The following ANKRD28 variants were observed in gnomAD, a reference collection of about 807,000 sequenced individuals.
The protein encoded by ANKRD28 is serine/threonine-protein phosphatase 6 regulatory ankyrin repeat subunit A.
In ANKRD28, 44 loss-of-function variants were observed where a neutral mutation model predicts 126.5. The observed-to-expected ratio is 0.35, with a 90% CI of 0.27 to 0.45. ANKRD28 has a LOEUF of 0.45. Ranked by LOEUF, ANKRD28 falls within the 20% of genes least tolerant of loss-of-function variation. The probability of loss-of-function intolerance (pLI) is 1.00; values close to 1 mark genes in which losing one functional copy is unlikely to be tolerated. For synonymous variants in ANKRD28, 442 were observed against 468.5 expected (o/e 0.94, Z 0.73); for missense variants, 1,110 against 1,316.6 (o/e 0.84, Z 2.43).
At chr3:15,755,526 C>T (rs554939425) in intron 3 of ANKRD28, among the ~76,000 whole-genome samples, 147 of 152,218 alleles carry the variant, frequency 9.7e-4, no homozygotes, top group Non-Finnish European at 1.5e-3. Flanking sequence ...ATACTTTAAA[C>T]GACAAATTCA....
chr3:15,750,890 T>C (rs552300231), intron 4 of ANKRD28, among the ~76,000 whole-genome samples: 2 of 152,338 alleles, frequency 1.3e-5, no homozygotes, highest in Admixed American at 6.5e-5. Flanking sequence ...CATAAACTTA[T>C]ACTATCACAT....
chr3:15,842,215 T>C (rs1383492719), intron 1 of ANKRD28, among the ~76,000 whole-genome samples: 1 of 152,060 alleles, frequency 6.6e-6, no homozygotes, highest in African/African-American at 2.4e-5. Context: ...ACACACATAC[T>C]GTTCAGCTAT....
In ANKRD28 at chr3:15,685,260, A is replaced by C. The variant is rs1438852337; in HGVS notation, c.2355T>G (p.His785Gln). Reference protein sequence around the residue: ...MDANPATADNHGYTALHWACY... With the variant: ...MDANPATADNQGYTALHWACY... Reference sequence around the variant, plus strand: ...AAGCCCAGTGAAGTGCCGTATATCCATGATTGTCTGCTGTGGCTGGATTTG... The same window carrying C: ...AAGCCCAGTGAAGTGCCGTATATCCCTGATTGTCTGCTGTGGCTGGATTTG... The change falls in exon 21 of 28, where the codon CAT (histidine) becomes CAG (glutamine). Residue 785 changes from histidine (H) to glutamine (Q), a missense_variant. By Grantham distance (24) the His-to-Gln change is conservative. Coordinates refer to ENST00000683139, the MANE Select transcript of ANKRD28 (RefSeq NM_001349278.2). 1 of 1,614,020 alleles carries C rather than the reference A, an allele frequency of 6.2e-7. No homozygotes were observed. Among genetic ancestry groups the C allele is most frequent in the South Asian group, 1.1e-5 (1 of 91,092 alleles).
chr3:15,750,128 T>G (rs2057768487), intron 4 of ANKRD28, among the ~76,000 whole-genome samples: 1 of 152,224 alleles, frequency 6.6e-6, no homozygotes, highest in Non-Finnish European at 1.5e-5. Context: ...TCTTTAGTAA[T>G]TTTTGGTCTG....
intron 1 of ANKRD28, among the ~76,000 whole-genome samples, chr3:15,805,963 TA>T (rs143957152): frequency 0.024 from 3,590 of 149,070 alleles, 143 homozygotes; most frequent in African/African-American, 0.081. Flanking sequence ...TGGGAAATAC[TA>T]AAAAAAAAAT....
In ANKRD28 at chr3:15,707,921, T is replaced by C; in HGVS notation, c.1547+3A>G. ...CCTCCACTCTCACTCCTATGGTACTTACTTGCCATCTGTGTCTGATGTAGC... is the reference window on the plus strand; with the variant it reads ...CCTCCACTCTCACTCCTATGGTACTCACTTGCCATCTGTGTCTGATGTAGC... On this transcript the variant is annotated splice_donor_region_variant and intron_variant, in intron 14 of 27. Transcript: ENST00000683139. 1.9e-6 allele frequency: 3 copies of C among 1,612,466 alleles called. No individual in the cohort carries two copies. Among genetic ancestry groups the C allele is most frequent in the Non-Finnish European group, 2.5e-6 (3 of 1,178,844 alleles).
chr3:15,745,468 G>A (rs1231418525), intron 4 of ANKRD28, among the ~76,000 whole-genome samples: 8 of 152,090 alleles, frequency 5.3e-5, no homozygotes, highest in Non-Finnish European at 1.2e-4. Flanking sequence ...TGTTGAACAG[G>A]GTGTCCTTTC....
chr3:15,809,938 T>G (rs2060675026), intron 1 of ANKRD28, among the ~76,000 whole-genome samples: 1 of 152,174 alleles, frequency 6.6e-6, no homozygotes, highest in Non-Finnish European at 1.5e-5. Context: ...CCCTTGCAGA[T>G]GCTGTTTCCT....
Position 15,707,981 on chromosome 3 carries a change from A to G in ANKRD28, c.1490T>C (p.Leu497Pro), listed in dbSNP as rs768462498. Reference sequence around the variant, plus strand: ...CAGGGGTGTGCAGCCTCTTTCATCAAGGTCATTCACACTTGCTCCTGATCC... The same window carrying G: ...CAGGGGTGTGCAGCCTCTTTCATCAGGGTCATTCACACTTGCTCCTGATCC... ...LVGSGASVND[L>P]DERGCTPLHY... The change falls in exon 14 of 28, where the codon CTT becomes CCT. Residue 497 changes from leucine to proline, a missense_variant. Coordinates refer to ENST00000683139, the MANE Select transcript of ANKRD28 (RefSeq NM_001349278.2). 1 of 1,612,588 alleles carries G rather than the reference A, an allele frequency of 6.2e-7. No individual in the cohort carries two copies.
intron 7 of ANKRD28, 85 bp downstream of exon 7, chr3:15,724,297 C>A: frequency 8.4e-7 from 1 of 1,195,380 alleles, no homozygotes; most frequent in Non-Finnish European, 1.1e-6. Context: ...AAAATAATTT[C>A]TTAAACCTGA....
rs201342843 is a variant in ANKRD28 at position 15,751,734 on chromosome 3, A to G, written c.351+16T>C. On this transcript the variant is annotated intron_variant, in intron 4 of 27. Transcript: ENST00000683139. ...TGTTTTCATATAAAACATATTTACT[A>G]AGAGAAATTTCATACCTCACTACAA... is the stretch of plus-strand genomic sequence containing the variant. 76 of 1,526,524 alleles carry G rather than the reference A, an allele frequency of 5.0e-5. No individual in the cohort carries two copies. The highest frequency in any genetic ancestry group is 3.8e-5 in the Admixed American group (2 of 52,394). The allele number at this position is 1,526,524 out of a possible 1,614,324, so 94.6% of individuals were successfully genotyped here. A position where few individuals can be genotyped will look rare whatever the true frequency, so the allele number is the denominator to read the frequency against.
intron 2 of ANKRD28, among the ~76,000 whole-genome samples, chr3:15,768,623 G>A (rs1192579760): frequency 1.3e-5 from 2 of 152,028 alleles, no homozygotes; most frequent in Non-Finnish European, 2.9e-5. Context: ...TTGCACTCCA[G>A]CCTGGGCAAC....
chr3:15,798,749 T>A (rs1469544473), upstream of ANKRD28, among the ~76,000 whole-genome samples: 4 of 152,106 alleles, frequency 2.6e-5, no homozygotes, highest in African/African-American at 9.7e-5. Context: ...TAAATAAATG[T>A]CAAAGCCAAT....
At chr3:15,715,026 T>C (rs2126103167) in intron 8 of ANKRD28, among the ~76,000 whole-genome samples, 1 of 152,306 alleles carries the variant, frequency 6.6e-6, no homozygotes, top group South Asian at 2.1e-4. Context: ...TTCGTGAATT[T>C]TGTGTGGATA....
At chr3:15,809,724 T>A (rs73817122) in intron 1 of ANKRD28, among the ~76,000 whole-genome samples, 6,208 of 152,274 alleles carry the variant, frequency 0.041, 410 homozygotes, top group African/African-American at 0.14. Context: ...TTCTGTCATT[T>A]GTAACCAAAA....
intron 1 of ANKRD28, among the ~76,000 whole-genome samples, chr3:15,820,372 A>C (rs1310140322): frequency 6.6e-6 from 1 of 152,212 alleles, no homozygotes; most frequent in Non-Finnish European, 1.5e-5. Context: ...TAAAATCTTT[A>C]AAGCTACTGA....
chr3:15,701,158 T>C (rs79897483), intron 14 of ANKRD28, among the ~76,000 whole-genome samples: 2,939 of 152,276 alleles, frequency 0.019, 98 homozygotes, highest in African/African-American at 0.066. Context: ...CTCACAAATA[T>C]ATGAGAGCCA....
At chr3:15,788,900 A>AC (rs992815604) in intron 2 of ANKRD28, among the ~76,000 whole-genome samples, 40 of 151,666 alleles carry the variant, frequency 2.6e-4, no homozygotes, top group African/African-American at 5.8e-4. Context: ...CTACACATTT[A>AC]CCCCCCCAAA....
Position 15,675,996 on chromosome 3 carries a change from G to A in ANKRD28, c.2874-7C>T. 6.2e-7 allele frequency: 1 copy of A among 1,608,142 alleles called. No homozygotes were observed. Among genetic ancestry groups the A allele is most frequent in the South Asian group, 1.1e-5 (1 of 90,494 alleles). On this transcript the variant is annotated splice_polypyrimidine_tract_variant and splice_region_variant and intron_variant, in intron 26 of 27. Transcript: ENST00000683139. ...GGCAGCAACATGCAGAGGTCTAGGG[G>A]AAAAAACATGATACATGTACACATA...
Sources: allele counts gnomAD v4.1 joint callset (sites outside exome capture counted in the v4.1 genomes callset), GRCh38; gene constraint gnomAD v4.1.1; transcripts MANE v1.5; gene names NCBI Gene and HGNC (gene_info 2026-07-23, HGNC 2026-07-21).